The following BBS9 variants were observed in gnomAD, a reference collection of about 807,000 sequenced individuals.
BBS9 encodes the protein Bardet-Biedl syndrome 9, also known as protein PTHB1.
BBS9 carries 89 observed loss-of-function variants against 117.7 expected under a neutral mutation model. That is an observed-to-expected ratio of 0.76 (90% CI 0.64 to 0.90). The LOEUF is 0.90. Ranked by LOEUF, BBS9 falls within the 40% of genes least tolerant of loss-of-function variation. BBS9 has a pLI of 0.00. For missense variants in BBS9, 982 were observed against 1,042.2 expected (o/e 0.94, Z 0.80); for synonymous variants, 379 against 370.9 (o/e 1.02, Z -0.25).
intron 19 of BBS9, among the ~76,000 whole-genome samples, chr7:33,411,654 T>C (rs2128823468): frequency 6.6e-6 from 1 of 152,300 alleles, no homozygotes; most frequent in South Asian, 2.1e-4. Flanking sequence ...GTTTTGAGTC[T>C]TAAAAGTGTT....
intron 1 of BBS9, among the ~76,000 whole-genome samples, chr7:33,132,361 A>G (rs1249239249): frequency 6.6e-6 from 1 of 152,222 alleles, no homozygotes; most frequent in Non-Finnish European, 1.5e-5. Context: ...TGTTATGAAT[A>G]TCAAAATAGA....
At chr7:33,387,810 C>T (rs749519097) in intron 18 of BBS9, among the ~76,000 whole-genome samples, 182 bp from the exon 19 acceptor site, 1 of 152,192 alleles carries the variant, frequency 6.6e-6, no homozygotes, top group African/African-American at 2.4e-5. Context: ...ATCTGTTCCA[C>T]TGTATTATCT....
intron 19 of BBS9, among the ~76,000 whole-genome samples, chr7:33,405,327 C>A (rs961297172): frequency 3.3e-5 from 5 of 151,770 alleles, no homozygotes; most frequent in African/African-American, 7.3e-5. Context: ...TGTCTCTGCC[C>A]GGCTTTGGTA....
chr7:33,451,787 AT>A (rs1462439292), intron 19 of BBS9, among the ~76,000 whole-genome samples: 3 of 152,014 alleles, frequency 2.0e-5, no homozygotes, highest in Non-Finnish European at 4.4e-5. Context: ...TACTGTGGAC[AT>A]TTTAACAATT....
intron 10 of BBS9, among the ~76,000 whole-genome samples, chr7:33,338,107 C>G (rs781266357): frequency 6.6e-6 from 1 of 152,010 alleles, no homozygotes; most frequent in Non-Finnish European, 1.5e-5. Flanking sequence ...GGGATACACC[C>G]ACAGACTTAG....
At chr7:33,444,490 G>A (rs901934544) in intron 19 of BBS9, among the ~76,000 whole-genome samples, 8 of 152,142 alleles carry the variant, frequency 5.3e-5, no homozygotes, top group Non-Finnish European at 8.8e-5. Context: ...GTTGTGTACT[G>A]CTAAGGACTT....
chr7:33,475,902 C>A (rs1007052598), intron 19 of BBS9, among the ~76,000 whole-genome samples: 1 of 152,120 alleles, frequency 6.6e-6, no homozygotes, highest in Non-Finnish European at 1.5e-5. Context: ...GAAAATGGAA[C>A]AAGAATACCC....
intron 21 of BBS9, among the ~76,000 whole-genome samples, chr7:33,565,799 A>ACTGC (rs199919869): frequency 2.4e-5 from 1 of 42,418 alleles, no homozygotes; most frequent in Non-Finnish European, 4.0e-5. Flanking sequence ...ATATATATAT[A>ACTGC]TATATATATA....
chr7:33,428,310 A>G (rs1032146409), intron 19 of BBS9, among the ~76,000 whole-genome samples: 1 of 152,188 alleles, frequency 6.6e-6, no homozygotes, highest in Non-Finnish European at 1.5e-5. Context: ...TTGAGTCAAT[A>G]TGCCGAATTC....
Position 33,351,343 on chromosome 7 carries a change from C to G in BBS9, c.1537+20C>G. 1 of 1,511,240 alleles carries G rather than the reference C, an allele frequency of 6.6e-7. No individual in the cohort carries two copies. Among genetic ancestry groups the G allele is most frequent in the African/African-American group, 1.4e-5 (1 of 72,868 alleles). The allele number at this position is 1,511,240 out of a possible 1,614,324, so 93.6% of individuals were successfully genotyped here. A position where few individuals can be genotyped will look rare whatever the true frequency, so the allele number is the denominator to read the frequency against. On this transcript the variant is annotated intron_variant, in intron 14 of 22. Coordinates refer to ENST00000242067, the MANE Select transcript of BBS9 (RefSeq NM_198428.3). ...CAACAGGTAAACATACAGGCTTAAT[C>G]ATTACTTTAAGTTGTTGGAGTTATG...
intron 19 of BBS9, among the ~76,000 whole-genome samples, chr7:33,414,672 T>G (rs2128833107): frequency 6.6e-6 from 1 of 152,328 alleles, no homozygotes; most frequent in African/African-American, 2.4e-5. Context: ...AAAAATCAAT[T>G]TAATCAGTTT....
At chr7:33,230,066 A>C (rs1337961769) in intron 5 of BBS9, among the ~76,000 whole-genome samples, 3 of 152,138 alleles carry the variant, frequency 2.0e-5, no homozygotes, top group Non-Finnish European at 4.4e-5. Context: ...TCTTTGGAGA[A>C]ATGTCTATTT....
intron 5 of BBS9, among the ~76,000 whole-genome samples, chr7:33,215,868 CAT>C (rs752590622): frequency 7.9e-5 from 12 of 152,186 alleles, no homozygotes; most frequent in Non-Finnish European, 1.8e-4. Context: ...TTAGATTAAA[CAT>C]GTAAAAATAT....
At chr7:33,239,283 C>T (rs1794066896) in intron 5 of BBS9, among the ~76,000 whole-genome samples, 1 of 152,178 alleles carries the variant, frequency 6.6e-6, no homozygotes, top group Non-Finnish European at 1.5e-5. Context: ...ACTAAACTTT[C>T]TCATTTAATC....
In BBS9 at chr7:33,296,919, C is replaced by T. The variant is rs554177639; in HGVS notation, c.1016+22963C>T. ...AACAGAAAAAGAAAAGGTTTAGGTGCCAGTAACATTTACTCTTCAAAGGAA... is the reference window on the plus strand; with the variant it reads ...AACAGAAAAAGAAAAGGTTTAGGTGTCAGTAACATTTACTCTTCAAAGGAA... On this transcript the variant is annotated intron_variant, in intron 9 of 22. Transcript: ENST00000242067. Among the ~76,000 whole-genome samples the T allele has an allele frequency of 1.8e-3, 268 of 152,214 alleles. 6 individuals are homozygous for T. In the South Asian group the frequency reaches 0.048, roughly 27 times the overall value.
chr7:33,198,920 C>G (rs1026664301), intron 5 of BBS9, among the ~76,000 whole-genome samples: 3 of 151,954 alleles, frequency 2.0e-5, no homozygotes, highest in Non-Finnish European at 4.4e-5. Flanking sequence ...GGAACAGTGC[C>G]TAGCACTATT....
chr7:33,228,653 T>C (rs1463436633), intron 5 of BBS9, among the ~76,000 whole-genome samples: 1 of 152,204 alleles, frequency 6.6e-6, no homozygotes, highest in Admixed American at 6.5e-5. Context: ...TATTTGTGTT[T>C]TATATGGTAT....
intron 21 of BBS9, among the ~76,000 whole-genome samples, chr7:33,624,992 G>A (rs1158346500): frequency 6.6e-6 from 1 of 152,160 alleles, no homozygotes; most frequent in Non-Finnish European, 1.5e-5. Flanking sequence ...AGTACTCTCA[G>A]TAGATGTGTC....
In BBS9 at chr7:33,336,481, C is replaced by T; in HGVS notation, c.1057C>T (p.His353Tyr). ...GVIVTLSDDG[H>Y]LQCSYLGTDP... ...GATAGTCACTCTGAGTGATGATGGTCACTTGCAGTGTTCATACCTGGGGAC... is the reference window on the plus strand; with the variant it reads ...GATAGTCACTCTGAGTGATGATGGTTACTTGCAGTGTTCATACCTGGGGAC... Residue 353 changes from histidine (H) to tyrosine (Y), a missense_variant, in exon 10 of 23, where the codon CAC becomes TAC. Physicochemically the swap from His to Tyr is moderately conservative, Grantham distance 83. Transcript: ENST00000242067. 6.2e-7 allele frequency: 1 copy of T among 1,613,806 alleles called. No individual in the cohort carries two copies. The highest frequency in any genetic ancestry group is 8.5e-7 in the Non-Finnish European group (1 of 1,179,836).
Sources: gnomAD v4.1 joint callset for allele counts (sites outside exome capture counted in the v4.1 genomes callset) on GRCh38, gnomAD v4.1.1 for gene constraint, MANE v1.5 for transcripts, NCBI Gene and HGNC (gene_info 2026-07-23, HGNC 2026-07-21) for gene names.